Variants in CD247 observed in about 807,000 individuals in gnomAD.
CD247 encodes T-cell surface glycoprotein CD3 zeta chain.
CD247 carries 13 observed loss-of-function variants against 30.0 expected under a neutral mutation model. The ratio of observed to expected loss-of-function variants is 0.43; its 90% CI spans 0.28 to 0.69. The LOEUF (loss-of-function observed/expected upper bound fraction) is 0.69, where lower values mean the gene tolerates loss of function less well. Ranked by LOEUF, CD247 falls within the 30% of genes least tolerant of loss-of-function variation. The pLI is 0.16. For missense variants in CD247, 193 were observed against 212.6 expected (o/e 0.91, Z 0.57); for synonymous variants, 72 against 80.0 (o/e 0.90, Z 0.53).
At chr1:167,438,460 A>C in intron 4 of CD247, 110 bp downstream of exon 4, 1 of 866,220 alleles carries the variant, frequency 1.2e-6, no homozygotes, top group Non-Finnish European at 2.0e-6. Flanking sequence ...GGGCCCACAC[A>C]TGTGAGGGTC....
intron 4 of CD247, among the ~76,000 whole-genome samples, chr1:167,435,699 C>A (rs749688732): frequency 6.6e-6 from 1 of 152,264 alleles, no homozygotes; most frequent in Non-Finnish European, 1.5e-5. Context: ...CCAGGGCAGG[C>A]CATCGGGACG....
chr1:167,447,388 C>T (rs1357572514), intron 1 of CD247, among the ~76,000 whole-genome samples: 3 of 152,064 alleles, frequency 2.0e-5, no homozygotes, highest in African/African-American at 7.2e-5. Flanking sequence ...CACTTCTGGC[C>T]TCTGCTTGAA....
intron 1 of CD247, among the ~76,000 whole-genome samples, chr1:167,475,673 G>A (rs1653715094): frequency 6.6e-6 from 1 of 152,110 alleles, no homozygotes. Context: ...AGATTCAACA[G>A]CCAGTTTAGA....
At chr1:167,505,903 C>T (rs778666799) in intron 1 of CD247, among the ~76,000 whole-genome samples, 13 of 152,238 alleles carry the variant, frequency 8.5e-5, no homozygotes, top group Non-Finnish European at 1.3e-4. Context: ...ATCACACACA[C>T]CTGAGACCCA....
intron 1 of CD247, among the ~76,000 whole-genome samples, chr1:167,475,205 A>G (rs1210103850): frequency 6.6e-6 from 1 of 152,164 alleles, no homozygotes; most frequent in Non-Finnish European, 1.5e-5. Context: ...TTATAAAATT[A>G]TCAAACACAC....
At chr1:167,440,272 C>G (rs755660371) in intron 2 of CD247, 1 of 311,362 alleles carries the variant, frequency 3.2e-6, no homozygotes. Context: ...CTGGTCAGCT[C>G]CCCAGTTACA....
chr1:167,474,752 CTTTTTT>C (rs1175876563), intron 1 of CD247, among the ~76,000 whole-genome samples: 1 of 123,306 alleles, frequency 8.1e-6, no homozygotes. Context: ...TTAAAACTGT[CTTTTTT>C]TTTTTTTTTT....
intron 4 of CD247, 24 bp downstream of exon 4, chr1:167,438,546 A>C: frequency 1.9e-6 from 3 of 1,592,598 alleles, no homozygotes; most frequent in Non-Finnish European, 2.6e-6. Flanking sequence ...GCAGGAACAC[A>C]CAGGAAGGTA....
At chr1:167,445,752 C>T (rs1489536638) in intron 1 of CD247, among the ~76,000 whole-genome samples, 3 of 152,192 alleles carry the variant, frequency 2.0e-5, no homozygotes, top group African/African-American at 7.2e-5. Context: ...AGGCCTTAAT[C>T]AACCTGGTCC....
chr1:167,454,493 A>G (rs1210527819), intron 1 of CD247, among the ~76,000 whole-genome samples: 1 of 152,268 alleles, frequency 6.6e-6, no homozygotes. Flanking sequence ...TGGCCCATTT[A>G]GCGAAGCGCT....
At chr1:167,498,844 A>T (rs1654796817) in intron 1 of CD247, among the ~76,000 whole-genome samples, 1 of 152,182 alleles carries the variant, frequency 6.6e-6, no homozygotes, top group East Asian at 1.9e-4. Flanking sequence ...GATGGCGGAC[A>T]CAAGAGGCAC....
At chr1:167,464,625 C>T (rs1653158173) in intron 1 of CD247, among the ~76,000 whole-genome samples, 1 of 152,206 alleles carries the variant, frequency 6.6e-6, no homozygotes, top group African/African-American at 2.4e-5. Context: ...TTATCTTTCT[C>T]AGCCCCCACT....
Position 167,438,449 on chromosome 1 carries a change from T to C in CD247, c.300+121A>G, listed in dbSNP as rs2462553. 0.88 allele frequency: 720,364 copies of C among 816,440 alleles called. 318,419 individuals are homozygous for C. Among genetic ancestry groups the C allele is most frequent in the South Asian group, 0.91 (67,733 of 74,226 alleles). 50.6% of individuals were successfully genotyped at this position (816,440 alleles called of 1,614,324 possible). A position where few individuals can be genotyped will look rare whatever the true frequency, so the allele number is the denominator to read the frequency against. Reference sequence around the variant, plus strand: ...TGGGTCTCCATCTCTTCTCTTGTCCTGGGCCCACACATGTGAGGGTCGAGT... The same window carrying C: ...TGGGTCTCCATCTCTTCTCTTGTCCCGGGCCCACACATGTGAGGGTCGAGT... On this transcript the variant is annotated intron_variant, in intron 4 of 7. Coordinates refer to ENST00000362089, the MANE Select transcript of CD247 (RefSeq NM_198053.3).
intron 1 of CD247, among the ~76,000 whole-genome samples, chr1:167,459,305 G>T (rs1283768000): frequency 6.7e-6 from 1 of 148,282 alleles, no homozygotes; most frequent in Non-Finnish European, 1.5e-5. Flanking sequence ...TTTTTTAAAG[G>T]TTCAAGAAAT....
intron 2 of CD247, chr1:167,439,760 G>A: frequency 9.5e-6 from 3 of 317,340 alleles, no homozygotes; most frequent in Non-Finnish European, 1.8e-5. Flanking sequence ...CGGGGACTCT[G>A]AGGACAATCC....
chr1:167,481,565 T>G (rs931309736), intron 1 of CD247, among the ~76,000 whole-genome samples: 2 of 152,206 alleles, frequency 1.3e-5, no homozygotes, highest in Non-Finnish European at 2.9e-5. Context: ...TCAGAATGAC[T>G]GCTCTGATCA....
At chr1:167,495,742 C>T (rs1654664699) in intron 1 of CD247, among the ~76,000 whole-genome samples, 1 of 152,156 alleles carries the variant, frequency 6.6e-6, no homozygotes, top group East Asian at 1.9e-4. Context: ...CACCTCTTTG[C>T]AGTTCCAGGA....
chr1:167,440,662 A>C lies in CD247; in HGVS notation c.162+2T>G, dbSNP rs1321548908. The C allele has an allele frequency of 4.4e-6, 7 of 1,603,740 alleles. No individual in the cohort carries two copies. On this transcript the variant is annotated splice_donor_variant, in intron 2 of 7. Transcript: ENST00000362089. LOFTEE classifies it high-confidence loss of function. ...CTCCTCCCAAAGCCCAGTGGTACCC[A>C]CCTTCACTCTCAGGAACAAGGCAGT...
chr1:167,505,809 G>T (rs1655089905), intron 1 of CD247, among the ~76,000 whole-genome samples: 1 of 152,254 alleles, frequency 6.6e-6, no homozygotes, highest in Non-Finnish European at 1.5e-5. Context: ...ACAGTTGAAA[G>T]CCATCCCCTT....
Sources: allele counts gnomAD v4.1 joint callset (sites outside exome capture counted in the v4.1 genomes callset), GRCh38; gene constraint gnomAD v4.1.1; transcripts MANE v1.5; gene names NCBI Gene and HGNC (gene_info 2026-07-23, HGNC 2026-07-21).